Variants in PHLPP1 observed in about 807,000 individuals in gnomAD.
PHLPP1 encodes PH domain leucine-rich repeat-containing protein phosphatase 1.
A neutral mutation model predicts 117.2 loss-of-function variants in PHLPP1; 42 were observed. The ratio of observed to expected loss-of-function variants is 0.36; its 90% CI spans 0.28 to 0.46. The LOEUF (loss-of-function observed/expected upper bound fraction) is 0.46, where lower values mean the gene tolerates loss of function less well. Among genes scored for constraint, PHLPP1 ranks in the 20% least tolerant of loss-of-function variants. The pLI is 1.00. For missense variants in PHLPP1, 2,084 were observed against 2,241.9 expected, an observed-to-expected ratio of 0.93 and a Z score of 1.42; for synonymous variants, 1,042 against 970.7, an observed-to-expected ratio of 1.07 and a Z score of -1.37.
intron 1 of PHLPP1, among the ~76,000 whole-genome samples, chr18:62,724,270 A>G (rs1302591388): frequency 6.6e-6 from 1 of 152,218 alleles, no homozygotes; most frequent in Non-Finnish European, 1.5e-5. Flanking sequence ...TAGTTCATCA[A>G]GTTTACTCTA....
chr18:62,883,835 G>A, intron 4 of PHLPP1, among the ~76,000 whole-genome samples: 1 of 152,146 alleles, frequency 6.6e-6, no homozygotes, highest in East Asian at 1.9e-4. Flanking sequence ...TATTTCTAGA[G>A]AGATCAAATG....
chr18:62,841,474 A>G (rs756056280), intron 3 of PHLPP1, among the ~76,000 whole-genome samples: 14 of 151,268 alleles, frequency 9.3e-5, no homozygotes, highest in Non-Finnish European at 2.1e-4. Context: ...CTTTGACTAC[A>G]GGCACATGCC....
rs948907815 is a variant in PHLPP1, at chr18:62,916,846, C to T, written c.2804+1838C>T. 6.9e-5 allele frequency among the ~76,000 whole-genome samples: 10 copies of T among 145,128 alleles called. No individual in the cohort carries two copies. In the South Asian group the frequency reaches 8.8e-4, roughly 13 times the overall value. On this transcript the variant is annotated intron_variant, in intron 9 of 16. Transcript: ENST00000262719. Reference sequence around the variant, plus strand: ...TTGGCTCACTGCAACCTCTGCCTCCCGGGTTCCAGCAATTCTCGTGCCTCA... The same window carrying T: ...TTGGCTCACTGCAACCTCTGCCTCCTGGGTTCCAGCAATTCTCGTGCCTCA...
intron 1 of PHLPP1, among the ~76,000 whole-genome samples, chr18:62,719,445 C>T (rs1910852368): frequency 6.6e-6 from 1 of 152,184 alleles, no homozygotes; most frequent in African/African-American, 2.4e-5. Flanking sequence ...AAAGCGTAGT[C>T]TCATTTATGG....
At chr18:62,974,319 G>A (rs562286960) in intron 15 of PHLPP1, among the ~76,000 whole-genome samples, 4 of 152,266 alleles carry the variant, frequency 2.6e-5, no homozygotes, top group East Asian at 3.9e-4. Context: ...AAGAGGGTAC[G>A]GGTTGTGTGG....
At chr18:62,936,222 G>A (rs553884668) in intron 10 of PHLPP1, among the ~76,000 whole-genome samples, 2 of 152,252 alleles carry the variant, frequency 1.3e-5, no homozygotes, top group South Asian at 2.1e-4. Flanking sequence ...TTGGGACAAC[G>A]TGAGCAAAAA....
intron 3 of PHLPP1, among the ~76,000 whole-genome samples, chr18:62,841,579 G>C (rs1915052516): frequency 6.6e-6 from 1 of 151,734 alleles, no homozygotes; most frequent in South Asian, 2.1e-4. Flanking sequence ...TGATCCACCT[G>C]CTTAGGCCTA....
chr18:62,777,045 G>A (rs1442986783), intron 1 of PHLPP1, among the ~76,000 whole-genome samples: 1 of 152,192 alleles, frequency 6.6e-6, no homozygotes, highest in African/African-American at 2.4e-5. Flanking sequence ...GAGTTTCTGT[G>A]AACATGTTTT....
At chr18:62,894,947 C>A in intron 4 of PHLPP1, 64 bp from the exon 5 acceptor site, 1 of 1,371,284 alleles carries the variant, frequency 7.3e-7, no homozygotes, top group Non-Finnish European at 1.0e-6. Flanking sequence ...TTAGGCTATG[C>A]TAAAATTATG....
chr18:62,882,788 C>T (rs1852802391), intron 4 of PHLPP1, among the ~76,000 whole-genome samples: 1 of 151,916 alleles, frequency 6.6e-6, no homozygotes, highest in Non-Finnish European at 1.5e-5. Flanking sequence ...AAGTGTAACT[C>T]ATTTTACCCA....
At chr18:62,867,441 G>A (rs1293236216) in intron 4 of PHLPP1, among the ~76,000 whole-genome samples, 2 of 152,122 alleles carry the variant, frequency 1.3e-5, no homozygotes, top group East Asian at 1.9e-4. Flanking sequence ...CACTGTTTAC[G>A]TTATTATGAA....
intron 11 of PHLPP1, among the ~76,000 whole-genome samples, chr18:62,944,840 G>T (rs1305606547): frequency 6.6e-6 from 1 of 152,068 alleles, no homozygotes; most frequent in Non-Finnish European, 1.5e-5. Flanking sequence ...TATTGCCAGG[G>T]TAACTTAATT....
intron 1 of PHLPP1, among the ~76,000 whole-genome samples, chr18:62,722,155 C>T (rs993883332): frequency 2.0e-5 from 3 of 152,158 alleles, no homozygotes; most frequent in Non-Finnish European, 4.4e-5. Context: ...TTCTATTTCA[C>T]GTGAGTGAAC....
At chr18:62,739,100 A>G (rs193106970) in intron 1 of PHLPP1, among the ~76,000 whole-genome samples, 2 of 152,370 alleles carry the variant, frequency 1.3e-5, no homozygotes, top group East Asian at 3.9e-4. Flanking sequence ...GAAGAGCTCC[A>G]GGATCATCTC....
chr18:62,842,671 T>C (rs1915084224), intron 3 of PHLPP1, among the ~76,000 whole-genome samples: 1 of 152,136 alleles, frequency 6.6e-6, no homozygotes, highest in East Asian at 1.9e-4. Flanking sequence ...GCCTAGTAAA[T>C]GCAGATTTTC....
At chr18:62,737,051 A>G (rs969833719) in intron 1 of PHLPP1, among the ~76,000 whole-genome samples, 1 of 152,194 alleles carries the variant, frequency 6.6e-6, no homozygotes, top group Non-Finnish European at 1.5e-5. Flanking sequence ...TACATAAATA[A>G]TAATAATAAA....
chr18:62,928,789 T>C (rs1048569405), intron 10 of PHLPP1, among the ~76,000 whole-genome samples: 5 of 152,218 alleles, frequency 3.3e-5, no homozygotes, highest in African/African-American at 9.6e-5. Context: ...CAAACTGTTA[T>C]AATAGATAGT....
At chr18:62,864,480 G>T (rs1046285252) in intron 4 of PHLPP1, among the ~76,000 whole-genome samples, 2 of 152,236 alleles carry the variant, frequency 1.3e-5, no homozygotes, top group Non-Finnish European at 2.9e-5. Flanking sequence ...GTCACAAAGC[G>T]TAGGTCTGGC....
chr18:62,938,406 G>A (rs1346760633), intron 10 of PHLPP1, among the ~76,000 whole-genome samples: 3 of 152,192 alleles, frequency 2.0e-5, no homozygotes, highest in African/African-American at 7.2e-5. Flanking sequence ...CGTTCTGGTG[G>A]AAGGATGAAA....
Sources: allele counts gnomAD v4.1 joint callset (sites outside exome capture counted in the v4.1 genomes callset), GRCh38; gene constraint gnomAD v4.1.1; transcripts MANE v1.5; gene names NCBI Gene and HGNC (gene_info 2026-07-23, HGNC 2026-07-21).